Variants in CACNA1A observed in about 807,000 individuals in gnomAD.
CACNA1A encodes calcium voltage-gated channel subunit alpha1 A.
Under a neutral mutation model 262.4 loss-of-function variants are expected in CACNA1A, and 57 were observed. The observed-to-expected ratio is 0.22, with a 90% CI of 0.18 to 0.27. CACNA1A has a LOEUF of 0.27. CACNA1A is among the 10% of genes least tolerant of loss of function. The pLI is 1.00. For synonymous variants in CACNA1A, 1,431 were observed against 1,419.3 expected, an observed-to-expected ratio of 1.01 and a Z score of -0.18; for missense variants, 2,526 against 3,562.8, an observed-to-expected ratio of 0.71 and a Z score of 7.41.
At chr19:13,293,439 C>CTTTTTTTTTTTTTT (rs974515720) in intron 19 of CACNA1A, among the ~76,000 whole-genome samples, 1 of 80,896 alleles carries the variant, frequency 1.2e-5, no homozygotes, top group African/African-American at 4.8e-5. Flanking sequence ...TCAGTTAAAT[C>CTTTTTTTTTTTTTT]TTTTTTTTTT....
At chr19:13,277,265 G>A in intron 22 of CACNA1A, 137 bp from the exon 23 acceptor site, 3 of 610,590 alleles carry the variant, frequency 4.9e-6, no homozygotes, top group South Asian at 3.9e-5. Flanking sequence ...CAGTTGCGCA[G>A]GGCGTGCACT....
intron 24 of CACNA1A, among the ~76,000 whole-genome samples, chr19:13,266,196 A>G (rs946019215): frequency 1.3e-5 from 2 of 152,060 alleles, no homozygotes; most frequent in Non-Finnish European, 2.9e-5. Flanking sequence ...TGCTGGTTGT[A>G]AGTGGATAAT....
At chr19:13,287,992 G>C (rs1179788137) in intron 19 of CACNA1A, among the ~76,000 whole-genome samples, 1 of 151,986 alleles carries the variant, frequency 6.6e-6, no homozygotes, top group African/African-American at 2.4e-5. Flanking sequence ...TGTAGAGACT[G>C]GCGTCTCACT....
chr19:13,285,680 A>AT (rs1300178131), intron 20 of CACNA1A, among the ~76,000 whole-genome samples: 1 of 152,226 alleles, frequency 6.6e-6, no homozygotes, highest in South Asian at 2.1e-4. Flanking sequence ...ACTGCATGGC[A>AT]TGCCCCCATT....
At chr19:13,417,218 G>C (rs2060238973) in intron 3 of CACNA1A, among the ~76,000 whole-genome samples, 2 of 152,202 alleles carry the variant, frequency 1.3e-5, no homozygotes, top group Admixed American at 1.3e-4. Flanking sequence ...CAATCTGTCA[G>C]CTTGCATCCG....
In CACNA1A at chr19:13,207,274, G is replaced by A. The variant is rs2144487521; in HGVS notation, c.*39C>T. 1 of 1,511,606 alleles carries A rather than the reference G, an allele frequency of 6.6e-7. No homozygotes were observed. The highest frequency in any genetic ancestry group is 8.8e-7 in the Non-Finnish European group (1 of 1,134,772). The allele number at this position is 1,511,606 out of a possible 1,614,324, so 93.6% of individuals were successfully genotyped here. A position where few individuals can be genotyped will look rare whatever the true frequency, so the allele number is the denominator to read the frequency against. ...CTCCTCGGGTGGGGTGTGTGCGTGG[G>A]GTGCGTGGGGGGCCGGGCGGGCGCC... is the stretch of plus-strand genomic sequence containing the variant. On this transcript the variant is annotated 3_prime_UTR_variant, in exon 47 of 47. Transcript: ENST00000360228. This position sits in a 1 kb window ranked among gnomAD's most constrained non-coding sequence, Gnocchi z 5.7.
chr19:13,265,470 G>C (rs532961280), intron 24 of CACNA1A, among the ~76,000 whole-genome samples: 1 of 152,318 alleles, frequency 6.6e-6, no homozygotes, highest in South Asian at 2.1e-4. Context: ...GCTAGGCAGA[G>C]ATATACTCCA....
At chr19:13,299,940 C>CTAGA (rs2057753845) in intron 18 of CACNA1A, among the ~76,000 whole-genome samples, 1 of 152,232 alleles carries the variant, frequency 6.6e-6, no homozygotes. Flanking sequence ...AGCACGCAAC[C>CTAGA]TAGATCCCTC....
At chr19:13,393,817 T>C (rs1599358280) in intron 3 of CACNA1A, among the ~76,000 whole-genome samples, 23 of 95,382 alleles carry the variant, frequency 2.4e-4, no homozygotes, top group Admixed American at 6.8e-4. Flanking sequence ...TTCCTCTCTC[T>C]CTCTCTCTCT....
intron 3 of CACNA1A, among the ~76,000 whole-genome samples, chr19:13,445,281 T>C (rs189968420): frequency 5.4e-4 from 83 of 152,316 alleles, no homozygotes; most frequent in Admixed American, 1.2e-3. Context: ...TATAGACCCT[T>C]CTAAAAAGGA....
At chr19:13,318,143 A>T (rs58426652) in intron 10 of CACNA1A, among the ~76,000 whole-genome samples, 16,217 of 151,978 alleles carry the variant, frequency 0.11, 1,123 homozygotes, top group East Asian at 0.33. Context: ...TTTTTAAGAG[A>T]AAAAGTAAAG....
intron 22 of CACNA1A, among the ~76,000 whole-genome samples, chr19:13,279,569 T>A (rs551719865): frequency 6.6e-6 from 1 of 152,248 alleles, no homozygotes; most frequent in African/African-American, 2.4e-5. Flanking sequence ...CACTGGAACC[T>A]CTGCCTCCCG....
At chr19:13,388,860 T>G (rs1420914328) in intron 3 of CACNA1A, among the ~76,000 whole-genome samples, 1 of 152,152 alleles carries the variant, frequency 6.6e-6, no homozygotes, top group African/African-American at 2.4e-5. Context: ...TTAGACACAT[T>G]CTGTTGTTTC....
chr19:13,344,034 ACC>A (rs555847512), intron 6 of CACNA1A, among the ~76,000 whole-genome samples: 1 of 152,034 alleles, frequency 6.6e-6, no homozygotes, highest in Non-Finnish European at 1.5e-5. Context: ...ACACAGTGAG[ACC>A]CCATCTCTAA....
intron 24 of CACNA1A, among the ~76,000 whole-genome samples, chr19:13,265,563 GAC>G (rs1434195690): frequency 1.3e-5 from 2 of 152,152 alleles, no homozygotes; most frequent in Admixed American, 6.5e-5. Flanking sequence ...CCAAGTGTGA[GAC>G]ACACGTTGGA....
rs2056514012 is a variant in CACNA1A, at chr19:13,255,219, G to A, written c.4631C>T (p.Thr1544Ile). ...IDFAISAKPL[T>I]RHMPQNKQSF... ...CTGCTTGTTCTGCGGCATGTGTCGG[G>A]TCAGCGGCTTGGCGCTGATGGCGAA... Residue 1544 changes from threonine (T) to isoleucine (I), a missense_variant, in exon 29 of 47, where the codon ACC (threonine) becomes ATC (isoleucine). Physicochemically the swap from Thr to Ile is moderately conservative, Grantham distance 89 (BLOSUM62 -1). Coordinates refer to ENST00000360228, the MANE Select transcript of CACNA1A (RefSeq NM_001127222.2). The A allele has an allele frequency of 1.2e-6, 2 of 1,610,076 alleles. No homozygotes were observed. Among genetic ancestry groups the A allele is most frequent in the Non-Finnish European group, 1.7e-6 (2 of 1,176,772 alleles).
intron 1 of CACNA1A, among the ~76,000 whole-genome samples, chr19:13,459,913 T>G (rs1343515796): frequency 6.6e-6 from 1 of 152,200 alleles, no homozygotes; most frequent in East Asian, 1.9e-4. Flanking sequence ...TGCCTGGATT[T>G]CAGACCCAGG....
At chr19:13,234,294 G>A (rs1036870306) in intron 34 of CACNA1A, among the ~76,000 whole-genome samples, 61 of 140,328 alleles carry the variant, frequency 4.3e-4, no homozygotes, top group South Asian at 2.4e-4. Context: ...AGCTTGCAGT[G>A]AGCCGAGATC....
chr19:13,457,566 G>A (rs2061036225), intron 1 of CACNA1A, among the ~76,000 whole-genome samples: 1 of 152,178 alleles, frequency 6.6e-6, no homozygotes, highest in East Asian at 1.9e-4. Flanking sequence ...AAGGAATGAA[G>A]TAGGCCGGGT....
Sources: gnomAD v4.1 joint callset for allele counts (sites outside exome capture counted in the v4.1 genomes callset) on GRCh38, gnomAD v4.1.1 for gene constraint, Gnocchi (gnomAD v3.1) non-coding constraint, MANE v1.5 for transcripts, NCBI Gene and HGNC (gene_info 2026-07-23, HGNC 2026-07-21) for gene names.